MTMR3: variants seen among roughly 807,000 people sequenced by gnomAD.
The protein encoded by MTMR3 is myotubularin related protein 3, also known as phosphatidylinositol-3,5-bisphosphate 3-phosphatase MTMR3.
Under a neutral mutation model 132.4 loss-of-function variants are expected in MTMR3, and 32 were observed. The observed-to-expected ratio is 0.24, with a 90% CI of 0.18 to 0.32. The LOEUF is 0.32. MTMR3 is among the 10% of genes least tolerant of loss of function. The pLI is 1.00. For synonymous variants in MTMR3, 556 were observed against 550.3 expected (o/e 1.01, Z -0.14); for missense variants, 1,216 against 1,489.6 (o/e 0.82, Z 3.02).
At chr22:29,956,002 T>G (rs566583141) in intron 1 of MTMR3, among the ~76,000 whole-genome samples, 1 of 152,216 alleles carries the variant, frequency 6.6e-6, no homozygotes, top group Non-Finnish European at 1.5e-5. Context: ...TCCACCCACC[T>G]TGGCCTCCCA....
intron 1 of MTMR3, among the ~76,000 whole-genome samples, chr22:29,928,338 A>T (rs1257979149): frequency 6.6e-6 from 1 of 151,444 alleles, no homozygotes; most frequent in African/African-American, 2.4e-5. Context: ...CGTCCAGATA[A>T]TGTTTGTATT....
At chr22:29,906,277 TG>T (rs2065097359) in intron 1 of MTMR3, among the ~76,000 whole-genome samples, 1 of 76,030 alleles carries the variant, frequency 1.3e-5, no homozygotes, top group Admixed American at 1.3e-4. Context: ...TCTGTCTGTC[TG>T]TCTGTCTGTC....
Position 29,961,479 on chromosome 22 carries a change from C to A in MTMR3, c.-85+4391C>A, listed in dbSNP as rs561963159. Among the ~76,000 whole-genome samples, 8 of 152,180 alleles carry A rather than the reference C, an allele frequency of 5.3e-5. No homozygotes were observed. In the South Asian group the frequency reaches 1.7e-3, roughly 32 times the overall value. On this transcript the variant is annotated intron_variant, in intron 2 of 19. Coordinates refer to ENST00000401950, the MANE Select transcript of MTMR3 (RefSeq NM_021090.4). ...TACAGTATGGCTACCCCACCCCACCCATTTTGGGGGTAGATAATGTGTGTC... is the reference window on the plus strand; with the variant it reads ...TACAGTATGGCTACCCCACCCCACCAATTTTGGGGGTAGATAATGTGTGTC...
At chr22:29,984,114 C>T (rs78002299) in intron 5 of MTMR3, 11,837 of 151,966 alleles carry the variant, frequency 0.078, 539 homozygotes, top group African/African-American at 0.092. Flanking sequence ...TCGTCGTGCC[C>T]GGCCCTGATT....
intron 1 of MTMR3, 35 bp downstream of exon 1, chr22:29,883,394 CG>C: frequency 6.4e-6 from 1 of 156,638 alleles, no homozygotes. Flanking sequence ...GTCTCCTCGG[CG>C]GGTGAGGAAG....
chr22:29,969,809 C>G (rs1212177266), intron 2 of MTMR3, among the ~76,000 whole-genome samples: 1 of 152,172 alleles, frequency 6.6e-6, no homozygotes, highest in Non-Finnish European at 1.5e-5. Context: ...GGATTACAGG[C>G]GTGAGCCACC....
intron 8 of MTMR3, 42 bp downstream of exon 8, chr22:29,998,899 C>T (rs527347611): frequency 1.4e-6 from 2 of 1,387,358 alleles, no homozygotes; most frequent in East Asian, 2.5e-5. Flanking sequence ...ACAGCCAGTG[C>T]CTTTGCAGAA....
At chr22:30,017,079 C>G (rs1177856488) in intron 15 of MTMR3, 1 of 176,978 alleles carries the variant, frequency 5.7e-6, no homozygotes, top group Non-Finnish European at 1.2e-5. Context: ...CAGCACCCTC[C>G]CAGTGTCAAT....
intron 9 of MTMR3, 108 bp from the exon 10 acceptor site, chr22:30,007,005 CA>C: frequency 8.6e-7 from 1 of 1,160,618 alleles, no homozygotes; most frequent in Non-Finnish European, 1.2e-6. Flanking sequence ...GAAGCTGACC[CA>C]ACACTTACCT....
At chr22:29,954,881 C>T (rs1306608678) in intron 1 of MTMR3, among the ~76,000 whole-genome samples, 1 of 152,178 alleles carries the variant, frequency 6.6e-6, no homozygotes, top group East Asian at 1.9e-4. Flanking sequence ...GGGATCTACC[C>T]TTCATTTCTT....
intron 1 of MTMR3, among the ~76,000 whole-genome samples, chr22:29,940,696 T>G (rs1032475626): frequency 6.7e-6 from 1 of 150,224 alleles, no homozygotes; most frequent in Non-Finnish European, 1.5e-5. Context: ...GGTTGAACAG[T>G]TTCCTTGGCA....
chr22:29,888,328 T>C (rs1247531199), intron 1 of MTMR3, among the ~76,000 whole-genome samples: 1 of 152,160 alleles, frequency 6.6e-6, no homozygotes, highest in Non-Finnish European at 1.5e-5. Context: ...ATTGTAGACA[T>C]GAGCCACTGT....
At chr22:29,941,196 A>G (rs2065851013) in intron 1 of MTMR3, among the ~76,000 whole-genome samples, 1 of 152,194 alleles carries the variant, frequency 6.6e-6, no homozygotes, top group Admixed American at 6.5e-5. Context: ...TTGAGTCAAC[A>G]TCATGCTTTT....
At chr22:29,892,205 A>C (rs2064813952) in intron 1 of MTMR3, among the ~76,000 whole-genome samples, 2 of 152,316 alleles carry the variant, frequency 1.3e-5, no homozygotes, top group Non-Finnish European at 2.9e-5. Context: ...AATAAGGGTA[A>C]AAATAAATTT....
At chr22:29,900,675 A>T (rs760814872) in intron 1 of MTMR3, among the ~76,000 whole-genome samples, 4 of 152,198 alleles carry the variant, frequency 2.6e-5, no homozygotes, top group Non-Finnish European at 4.4e-5. Flanking sequence ...AATTAAGTTA[A>T]ATAATTTGCC....
At position 29,925,492 on chromosome 22, in the gene MTMR3, AT is replaced by A. The variant is rs907425679; in HGVS notation, c.-137-31540del. 1.6e-3 allele frequency among the ~76,000 whole-genome samples: 242 copies of A among 152,222 alleles called. 1 individual carries two copies. Among genetic ancestry groups the A allele is most frequent in the African/African-American group, 5.6e-3 (231 of 41,532 alleles). On this transcript the variant is annotated intron_variant, in intron 1 of 19. Transcript: ENST00000401950. ...AGAGGCTCTTAAAAGAGTAAATTTC[AT>A]TTTAAAAAGAAGGAACCAGGAGTAA...
At chr22:29,923,955 T>C (rs568512710) in intron 1 of MTMR3, among the ~76,000 whole-genome samples, 11 of 152,338 alleles carry the variant, frequency 7.2e-5, no homozygotes, top group South Asian at 2.1e-4. Context: ...TTAACAGATA[T>C]GTAATTTGCA....
chr22:29,890,001 G>T (rs936801831), intron 1 of MTMR3, among the ~76,000 whole-genome samples: 9 of 150,284 alleles, frequency 6.0e-5, no homozygotes, highest in Admixed American at 4.7e-4. Context: ...CTGCCTCCCG[G>T]GTTCAAGCGA....
intron 2 of MTMR3, among the ~76,000 whole-genome samples, chr22:29,962,967 C>T (rs555513275): frequency 2.7e-5 from 4 of 149,280 alleles, no homozygotes; most frequent in South Asian, 4.3e-4. Flanking sequence ...TCTGGTGTGC[C>T]GTGGCATGAA....
Sources: allele counts gnomAD v4.1 joint callset (sites outside exome capture counted in the v4.1 genomes callset), GRCh38; gene constraint gnomAD v4.1.1; transcripts MANE v1.5; gene names NCBI Gene and HGNC (gene_info 2026-07-23, HGNC 2026-07-21).